The following CACNB2 variants were observed in gnomAD, a reference collection of about 807,000 sequenced individuals.
CACNB2 encodes calcium voltage-gated channel auxiliary subunit beta 2.
Under a neutral mutation model 73.3 loss-of-function variants are expected in CACNB2, and 42 were observed. The observed-to-expected ratio is 0.57, with a 90% CI of 0.45 to 0.74. The LOEUF (loss-of-function observed/expected upper bound fraction) is 0.74. CACNB2 is among the 30% of genes least tolerant of loss of function. The pLI is 0.00. For synonymous variants in CACNB2, 348 were observed against 310.3 expected (o/e 1.12, Z -1.28); for missense variants, 940 against 853.0 (o/e 1.10, Z -1.27).
chr10:18,327,041 T>C (rs1156566897), intron 2 of CACNB2, among the ~76,000 whole-genome samples: 1 of 152,008 alleles, frequency 6.6e-6, no homozygotes, highest in African/African-American at 2.4e-5. Context: ...AGTAATGATT[T>C]TTTTTTAAGC....
At chr10:18,224,639 C>T (rs1379471976) in intron 2 of CACNB2, among the ~76,000 whole-genome samples, 1 of 152,172 alleles carries the variant, frequency 6.6e-6, no homozygotes, top group Non-Finnish European at 1.5e-5. Flanking sequence ...GCCCCCTAGT[C>T]TCCTGTGTCA....
In CACNB2 at chr10:18,542,405, T is replaced by C. The variant is rs1293103269; in HGVS notation, c.*2681T>C. On this transcript the variant is annotated 3_prime_UTR_variant, in exon 14 of 14. Coordinates refer to ENST00000324631, the MANE Select transcript of CACNB2 (RefSeq NM_201596.3). ...TAAAATATTTCTGATAAAACTTTTG[T>C]CATGGTAAGAGATTCACAATTATTA... The C allele has an allele frequency of 6.6e-6, 1 of 152,212 alleles. No individual in the cohort carries two copies. The highest frequency in any genetic ancestry group is 2.4e-5 in the African/African-American group (1 of 41,462). 9.4% of individuals were successfully genotyped at this position (152,212 alleles called of 1,614,324 possible).
chr10:18,197,520 A>G (rs2034679357), intron 2 of CACNB2, among the ~76,000 whole-genome samples: 1 of 152,182 alleles, frequency 6.6e-6, no homozygotes, highest in Admixed American at 6.5e-5. Flanking sequence ...TCCTTCAGCC[A>G]ACAGTGTGAT....
chr10:18,536,256 T>TTTTTC lies in CACNB2; in HGVS notation c.1302+64_1302+65insCTTTT, dbSNP rs2053574590. 7.0e-5 allele frequency: 46 copies of TTTTTC among 655,588 alleles called. 1 individual carries two copies. In the South Asian group the frequency reaches 8.0e-4, roughly 11 times the overall value. 40.6% of individuals were successfully genotyped at this position (655,588 alleles called of 1,614,324 possible). On this transcript the variant is annotated intron_variant, in intron 12 of 13. Transcript: ENST00000324631. The stretch of plus-strand genomic sequence containing the variant: ...CAGAGATCAGACCTTTTTTTTTTTT[T>TTTTTC]TTTTTTTTTTTTTTTTTGGGGGACA...
intron 2 of CACNB2, among the ~76,000 whole-genome samples, chr10:18,359,489 G>A (rs534465145): frequency 1.2e-4 from 18 of 152,098 alleles, no homozygotes; most frequent in African/African-American, 3.4e-4. Flanking sequence ...GGCCAGGCTC[G>A]TCTTGAATTC....
At position 18,536,100 on chromosome 10, in the gene CACNB2, G is replaced by C; in HGVS notation, c.1207-1G>C. On this transcript the variant is annotated splice_acceptor_variant, in intron 11 of 13. Transcript: ENST00000324631. LOFTEE classifies it high-confidence loss of function. ...TGTTAAAAACTCATTATCTTTTACAGGTTTTACAAAGGTTAATAAAATCTC... is the reference window on the plus strand; with the variant it reads ...TGTTAAAAACTCATTATCTTTTACACGTTTTACAAAGGTTAATAAAATCTC... The C allele has an allele frequency of 6.3e-7, 1 of 1,577,038 alleles. No individual in the cohort carries two copies. The highest frequency in any genetic ancestry group is 8.7e-7 in the Non-Finnish European group (1 of 1,146,690).
At chr10:18,221,078 G>A (rs2035774271) in intron 2 of CACNB2, among the ~76,000 whole-genome samples, 2 of 152,206 alleles carry the variant, frequency 1.3e-5, no homozygotes, top group South Asian at 4.1e-4. Context: ...TAGTTAGAGA[G>A]GCTCAGAGAA....
intron 2 of CACNB2, among the ~76,000 whole-genome samples, chr10:18,218,185 T>G (rs534195831): frequency 6.6e-6 from 1 of 152,318 alleles, no homozygotes; most frequent in Admixed American, 6.5e-5. Context: ...TGGACTAGTC[T>G]CTAACAAATG....
chr10:18,461,739 C>G (rs562814482), intron 3 of CACNB2, among the ~76,000 whole-genome samples: 26 of 151,608 alleles, frequency 1.7e-4, no homozygotes, highest in Non-Finnish European at 3.2e-4. Context: ...TGCAGGAGAC[C>G]CCTGCTTTAG....
intron 2 of CACNB2, among the ~76,000 whole-genome samples, chr10:18,397,462 CAAAAAAG>C (rs1326455819): frequency 6.6e-5 from 10 of 150,606 alleles, no homozygotes; most frequent in South Asian, 2.1e-4. Context: ...GAGACTATCT[CAAAAAAG>C]AAAAAAGAAA....
intron 3 of CACNB2, among the ~76,000 whole-genome samples, chr10:18,491,670 A>C (rs2049435625): frequency 6.6e-6 from 1 of 152,152 alleles, no homozygotes; most frequent in Non-Finnish European, 1.5e-5. Flanking sequence ...GGTAAGAGGA[A>C]AGAGTTCCAT....
chr10:18,261,821 G>A (rs774805562), intron 2 of CACNB2: 1 of 432,080 alleles, frequency 2.3e-6, no homozygotes, highest in Non-Finnish European at 4.6e-6. Context: ...TTATCATCCT[G>A]TGACTCTTTC....
At chr10:18,403,872 CAA>C (rs202131404) in intron 3 of CACNB2, among the ~76,000 whole-genome samples, 13 of 107,612 alleles carry the variant, frequency 1.2e-4, no homozygotes, top group Non-Finnish European at 8.0e-5. Context: ...AATGGGTACC[CAA>C]AAAAAAAAAA....
chr10:18,495,935 C>T (rs191077156), intron 3 of CACNB2, among the ~76,000 whole-genome samples: 10 of 151,894 alleles, frequency 6.6e-5, no homozygotes, highest in Admixed American at 6.6e-4. Flanking sequence ...TAATTCCACA[C>T]AAGAAGCAGG....
chr10:18,444,848 A>G (rs1760366565), intron 3 of CACNB2, among the ~76,000 whole-genome samples: 1 of 152,246 alleles, frequency 6.6e-6, no homozygotes, highest in African/African-American at 2.4e-5. Context: ...GATGGCATTT[A>G]GAATTGTAAA....
chr10:18,355,630 C>CTT (rs549165226), intron 2 of CACNB2, among the ~76,000 whole-genome samples: 47 of 140,774 alleles, frequency 3.3e-4, no homozygotes, highest in Non-Finnish European at 3.3e-4. Flanking sequence ...TGATTTTTCT[C>CTT]TTTTTTTTTT....
intron 3 of CACNB2, among the ~76,000 whole-genome samples, chr10:18,435,550 G>T (rs1478966880): frequency 6.6e-6 from 1 of 152,102 alleles, no homozygotes; most frequent in Non-Finnish European, 1.5e-5. Context: ...CCAGGCTGAA[G>T]TGCAGTGGGG....
chr10:18,398,966 A>G (rs1300553032), intron 2 of CACNB2, among the ~76,000 whole-genome samples: 3 of 152,220 alleles, frequency 2.0e-5, no homozygotes, highest in Non-Finnish European at 2.9e-5. Context: ...GACTTTTTAT[A>G]TCTTATTTTA....
chr10:18,389,539 A>G (rs952568410), intron 2 of CACNB2, among the ~76,000 whole-genome samples: 8 of 152,334 alleles, frequency 5.3e-5, no homozygotes, highest in African/African-American at 1.9e-4. Flanking sequence ...AGTCATCATA[A>G]ACATTTGCCT....
Sources: allele counts gnomAD v4.1 joint callset (sites outside exome capture counted in the v4.1 genomes callset), GRCh38; gene constraint gnomAD v4.1.1; transcripts MANE v1.5; gene names NCBI Gene and HGNC (gene_info 2026-07-23, HGNC 2026-07-21).